Variants in OASL observed in about 807,000 individuals in gnomAD.
The protein encoded by OASL is 2'-5'-oligoadenylate synthetase like, also known as 2'-5'-oligoadenylate synthase-like protein.
In OASL, 28 loss-of-function variants were observed where a neutral mutation model predicts 35.3. That is an observed-to-expected ratio of 0.79 (90% CI 0.59 to 1.09). The LOEUF is 1.09. OASL is among the 50% of genes least tolerant of loss of function. The probability of loss-of-function intolerance (pLI) is 0.00; values close to 1 mark genes in which losing one functional copy is unlikely to be tolerated. For synonymous variants in OASL, 252 were observed against 254.6 expected, an observed-to-expected ratio of 0.99 and a Z score of 0.10; for missense variants, 620 against 635.2, an observed-to-expected ratio of 0.98 and a Z score of 0.26.
exon 2 of OASL, chr12:121,033,608 T>C (rs568732289): frequency 1.2e-6 from 2 of 1,614,180 alleles, no homozygotes; most frequent in Non-Finnish European, 1.7e-6. Context: ...CTTTGCCACA[T>C]GGTTTTCCAT....
chr12:121,027,725 T>G (rs1869548804), exon 4 of OASL: 3 of 1,614,204 alleles, frequency 1.9e-6, no homozygotes, highest in Non-Finnish European at 2.5e-6. Flanking sequence ...AATTCTCGTC[T>G]TCTTCAGTAC....
At chr12:121,026,571 G>C (rs1369170710) in intron 4 of OASL, among the ~76,000 whole-genome samples, 2 of 152,202 alleles carry the variant, frequency 1.3e-5, no homozygotes, top group African/African-American at 2.4e-5. Context: ...ATGGAATGGG[G>C]CCCAGTGCGG....
chr12:121,018,415 C>T (rs985694920), downstream of OASL, among the ~76,000 whole-genome samples: 8 of 151,926 alleles, frequency 5.3e-5, no homozygotes, highest in African/African-American at 1.2e-4. Context: ...CTTGCTGACA[C>T]ATGCTGCTGG....
At chr12:121,031,476 C>T (rs1216924964) in exon 3 of OASL, 9 of 1,613,840 alleles carry the variant, frequency 5.6e-6, no homozygotes, top group Non-Finnish European at 7.6e-6. Context: ...GCGCAGGAGG[C>T]TCTTCAGCTT....
downstream of OASL, among the ~76,000 whole-genome samples, chr12:121,018,732 C>G (rs754123833): frequency 5.9e-5 from 9 of 151,558 alleles, no homozygotes; most frequent in Non-Finnish European, 1.0e-4. Context: ...TAGCTGGGCA[C>G]AGTGGTAGGT....
chr12:121,020,578 G>C, exon 6 of OASL: 1 of 1,605,046 alleles, frequency 6.2e-7, no homozygotes, highest in Non-Finnish European at 8.5e-7. Flanking sequence ...GCTGGAAACA[G>C]AGCCTCTCCT....
In OASL at chr12:121,024,033, C is replaced by A. The variant is rs758368144; in HGVS notation, c.1004G>T (p.Cys335Phe). The change falls in exon 5 of 6, where the codon TGC becomes TTC. Residue 335 changes from cysteine to phenylalanine, a missense_variant. Coordinates refer to ENST00000257570, the Ensembl canonical transcript of OASL. ...GATGGGGTTCTCCCTGTTGTCATAGCAACAGTCCTGTTTCAGGCACTGGGA... is the reference window on the plus strand; with the variant it reads ...GATGGGGTTCTCCCTGTTGTCATAGAAACAGTCCTGTTTCAGGCACTGGGA... The A allele has an allele frequency of 4.3e-6, 7 of 1,614,170 alleles. No homozygotes were observed. The highest frequency in any genetic ancestry group is 3.3e-4 in the Middle Eastern group (2 of 6,062).
chr12:121,039,036 C>T lies in OASL; in HGVS notation c.-65G>A. The T allele has an allele frequency of 7.3e-7, 1 of 1,371,952 alleles. No individual in the cohort carries two copies. The highest frequency in any genetic ancestry group is 1.8e-4 in the Middle Eastern group (1 of 5,494). The allele number at this position is 1,371,952 out of a possible 1,614,324, so 85.0% of individuals were successfully genotyped here. ...CAGGCTCCTACCCAGCTCCCTGGCA[C>T]ACACCTCCTTTTTTAAGGTAGCTCC... is the stretch of plus-strand genomic sequence containing the variant. On this transcript the variant is annotated 5_prime_UTR_variant, in exon 1 of 6. It adds an upstream start codon to the 5' untranslated region. Transcript: ENST00000257570.
chr12:121,038,696 G>GGTCC, intron 1 of OASL, 78 bp downstream of exon 1: 2 of 1,436,480 alleles, frequency 1.4e-6, no homozygotes, highest in Non-Finnish European at 2.0e-6. Context: ...GGAGGACAGG[G>GGTCC]GTCCCCAGCA....
intron 4 of OASL, 121 bp from the exon 5 acceptor site, chr12:121,024,258 G>A: frequency 9.2e-7 from 1 of 1,092,318 alleles, no homozygotes; most frequent in Admixed American, 2.6e-5. Context: ...ACATCCCGGG[G>A]ATGTTCAAGA....
intron 4 of OASL, among the ~76,000 whole-genome samples, chr12:121,025,589 A>G (rs112939226): frequency 0.041 from 6,229 of 151,634 alleles, 165 homozygotes; most frequent in South Asian, 0.085. Flanking sequence ...ACATGGTGAA[A>G]CCGTGTCTCT....
intron 1 of OASL, among the ~76,000 whole-genome samples, chr12:121,036,194 A>G (rs1869952268): frequency 6.6e-6 from 1 of 152,090 alleles, no homozygotes; most frequent in African/African-American, 2.4e-5. Context: ...CCCACTGGTA[A>G]GATCCAGGCA....
At chr12:121,031,549 G>A in exon 3 of OASL, 1 of 1,614,118 alleles carries the variant, frequency 6.2e-7, no homozygotes, top group Non-Finnish European at 8.5e-7. Flanking sequence ...AAATTTCCAG[G>A]ACCACCGCAG....
intron 4 of OASL, among the ~76,000 whole-genome samples, 168 bp from the exon 5 acceptor site, chr12:121,024,305 G>A (rs1212305280): frequency 6.6e-6 from 1 of 152,162 alleles, no homozygotes; most frequent in Non-Finnish European, 1.5e-5. Context: ...ACAGGATGGA[G>A]ACAATGCTAT....
At chr12:121,039,099 C>T (rs769888937) in exon 1 of OASL, 3 of 748,934 alleles carry the variant, frequency 4.0e-6, no homozygotes, top group Non-Finnish European at 6.6e-6. Flanking sequence ...GGAGGAGGGA[C>T]CCTAGCAGAG....
chr12:121,038,953 G>C (rs35632880), exon 1 of OASL: 2 of 1,614,116 alleles, frequency 1.2e-6, no homozygotes. Flanking sequence ...GTGCTATACA[G>C]TTCCTGCATC....
chr12:121,031,514 C>G, exon 3 of OASL: 1 of 1,614,120 alleles, frequency 6.2e-7, no homozygotes, highest in Non-Finnish European at 8.5e-7. Context: ...CGAAATTTCT[C>G]TGCAGCTCGC....
intron 5 of OASL, among the ~76,000 whole-genome samples, chr12:121,023,336 T>C (rs1218996813): frequency 6.8e-6 from 1 of 146,266 alleles, no homozygotes; most frequent in Non-Finnish European, 1.5e-5. Flanking sequence ...CTGTCCAGGC[T>C]GGAGTGCAAT....
intron 2 of OASL, 107 bp from the exon 3 acceptor site, chr12:121,031,724 G>A: frequency 1.1e-6 from 1 of 870,376 alleles, no homozygotes; most frequent in South Asian, 1.6e-5. Context: ...ATCCCTCCAG[G>A]GACACTTGAG....
Sources: allele counts gnomAD v4.1 joint callset (sites outside exome capture counted in the v4.1 genomes callset), GRCh38; gene constraint gnomAD v4.1.1; transcripts MANE v1.5; gene names NCBI Gene and HGNC (gene_info 2026-07-23, HGNC 2026-07-21).